PCSK2: variants seen among roughly 807,000 people sequenced by gnomAD.
PCSK2 encodes neuroendocrine convertase 2.
PCSK2 carries 14 observed loss-of-function variants against 69.7 expected under a neutral mutation model. The observed-to-expected ratio is 0.20, with a 90% CI of 0.13 to 0.31. The LOEUF is 0.31. Ranked by LOEUF, PCSK2 falls within the 10% of genes least tolerant of loss-of-function variation. The pLI is 1.00. For missense variants in PCSK2, 544 were observed against 842.5 expected (o/e 0.65, Z 4.39); for synonymous variants, 307 against 320.7 (o/e 0.96, Z 0.46).
At chr20:17,250,498 A>C (rs1986934073) in intron 1 of PCSK2, among the ~76,000 whole-genome samples, 1 of 152,204 alleles carries the variant, frequency 6.6e-6, no homozygotes, top group Admixed American at 6.5e-5. Context: ...TTTCTCCACT[A>C]TAAAGATACA....
intron 8 of PCSK2, among the ~76,000 whole-genome samples, chr20:17,449,360 C>T (rs1408174678): frequency 1.3e-5 from 2 of 152,252 alleles, no homozygotes; most frequent in Non-Finnish European, 1.5e-5. Context: ...TCCCATTTCC[C>T]TTTTGGGTTT....
At chr20:17,281,713 G>C (rs144018996) in intron 2 of PCSK2, among the ~76,000 whole-genome samples, 38 of 152,276 alleles carry the variant, frequency 2.5e-4, no homozygotes, top group Admixed American at 2.4e-3. Flanking sequence ...AATGCTGTAT[G>C]TTAGCCAAGC....
intron 4 of PCSK2, among the ~76,000 whole-genome samples, chr20:17,367,776 G>A (rs1383065247): frequency 6.6e-6 from 1 of 152,210 alleles, no homozygotes; most frequent in Admixed American, 6.5e-5. Flanking sequence ...GGGATTACAG[G>A]CGTGAGCCAC....
chr20:17,260,093 A>G (rs1987319809), intron 1 of PCSK2, 147 bp from the exon 2 acceptor site: 1 of 652,894 alleles, frequency 1.5e-6, no homozygotes, highest in Non-Finnish European at 2.7e-6. Flanking sequence ...GAAATAGAGG[A>G]CCAGGACTGA....
At position 17,465,425 on chromosome 20, in the gene PCSK2, C is replaced by T. The variant is rs141714677; in HGVS notation, c.1302C>T (p.Val434=). 2.9e-5 allele frequency: 47 copies of T among 1,614,056 alleles called. No individual in the cohort carries two copies. In the African/African-American group the frequency reaches 4.0e-4, roughly 14 times the overall value. The change falls in exon 11 of 12, where the codon GTC becomes GTT. Residue 434 remains valine, a synonymous_variant. Coordinates refer to ENST00000262545, the MANE Select transcript of PCSK2 (RefSeq NM_002594.5). ...TCCATCAGTGGCGGCGCAATGGGGTCGGCCTGGAATTTAATCACCTCTTTG... is the reference window on the plus strand; with the variant it reads ...TCCATCAGTGGCGGCGCAATGGGGTTGGCCTGGAATTTAATCACCTCTTTG... The part of the protein sequence containing the change: ...DEVHQWRRNG[V]GLEFNHLFGY...
At chr20:17,467,652 T>C (rs773964396) in intron 11 of PCSK2, among the ~76,000 whole-genome samples, 3 of 152,200 alleles carry the variant, frequency 2.0e-5, no homozygotes, top group Non-Finnish European at 4.4e-5. Context: ...ATTTTTTCCA[T>C]TGAAATTATT....
At chr20:17,372,854 A>G (rs2030812718) in intron 5 of PCSK2, among the ~76,000 whole-genome samples, 1 of 151,928 alleles carries the variant, frequency 6.6e-6, no homozygotes, top group African/African-American at 2.4e-5. Flanking sequence ...GCAACTTCGG[A>G]GCTACTAACC....
intron 2 of PCSK2, among the ~76,000 whole-genome samples, chr20:17,276,679 A>C (rs1988092206): frequency 6.6e-6 from 1 of 152,054 alleles, no homozygotes; most frequent in Non-Finnish European, 1.5e-5. Context: ...GCCCTCTCTC[A>C]CCACTCCTAT....
At chr20:17,250,574 C>T (rs1207409500) in intron 1 of PCSK2, among the ~76,000 whole-genome samples, 3 of 152,096 alleles carry the variant, frequency 2.0e-5, no homozygotes, top group Admixed American at 1.3e-4. Flanking sequence ...GTTTGCCGGC[C>T]ACAATTACTA....
intron 6 of PCSK2, among the ~76,000 whole-genome samples, chr20:17,426,172 G>T (rs1163480105): frequency 6.6e-6 from 1 of 152,128 alleles, no homozygotes; most frequent in Non-Finnish European, 1.5e-5. Flanking sequence ...ACTGAATCAT[G>T]GGGTCAGTTT....
chr20:17,411,787 G>T lies in PCSK2; in HGVS notation c.620+2448G>T, dbSNP rs565068154. Among the ~76,000 whole-genome samples the T allele has an allele frequency of 7.9e-5, 12 of 152,356 alleles. No homozygotes were observed. In the South Asian group the frequency reaches 1.7e-3, roughly 21 times the overall value. ...TAGGGGCCAACAGACAGCTCACAAA[G>T]GTGGGTGCCCCTCTAGGACAAAGCT... On this transcript the variant is annotated intron_variant, in intron 6 of 11. Coordinates refer to ENST00000262545, the MANE Select transcript of PCSK2 (RefSeq NM_002594.5).
intron 2 of PCSK2, among the ~76,000 whole-genome samples, chr20:17,303,316 C>A (rs1989154183): frequency 7.6e-6 from 1 of 130,862 alleles, no homozygotes; most frequent in African/African-American, 2.9e-5. Flanking sequence ...TATATTATAA[C>A]CATATATATC....
At position 17,453,809 on chromosome 20, in the gene PCSK2, A is replaced by G. The variant is rs1331701189; in HGVS notation, c.953A>G (p.Asn318Ser). The G allele has an allele frequency of 6.2e-7, 1 of 1,614,218 alleles. No homozygotes were observed. Among genetic ancestry groups the G allele is most frequent in the East Asian group, 2.2e-5 (1 of 44,886 alleles). ...SGDGGSYDDC[N>S]CDGYASSMWT... ...GACGGCGGCAGCTATGACGACTGCA[A>G]CTGCGACGGCTACGCCTCCAGCATG... Residue 318 changes from asparagine to serine, a missense_variant, in exon 9 of 12, where the codon AAC becomes AGC. Physicochemically the swap from Asn to Ser is conservative, Grantham distance 46. This residue lies in a region of PCSK2 where 187 missense variants were observed against 399.8 expected (regional missense o/e 0.47). Coordinates refer to ENST00000262545, the MANE Select transcript of PCSK2 (RefSeq NM_002594.5). This position sits in a 1 kb window ranked among gnomAD's most constrained non-coding sequence, Gnocchi z 4.0.
intron 8 of PCSK2, among the ~76,000 whole-genome samples, chr20:17,437,758 A>G (rs979525853): frequency 5.3e-5 from 8 of 152,200 alleles, no homozygotes; most frequent in Non-Finnish European, 7.3e-5. Flanking sequence ...TACGCTTGGG[A>G]TGCTCTGGGT....
intron 2 of PCSK2, among the ~76,000 whole-genome samples, chr20:17,341,755 A>G (rs1990515254): frequency 6.6e-6 from 1 of 152,214 alleles, no homozygotes; most frequent in Non-Finnish European, 1.5e-5. Flanking sequence ...TTCTGGCAGA[A>G]AACTGTTTTT....
chr20:17,269,508 T>C (rs1164537705), intron 2 of PCSK2, among the ~76,000 whole-genome samples: 1 of 152,174 alleles, frequency 6.6e-6, no homozygotes. Flanking sequence ...CAATGTTTCT[T>C]CACTTTTCCC....
At chr20:17,287,536 G>A (rs1308695170) in intron 2 of PCSK2, among the ~76,000 whole-genome samples, 4 of 151,704 alleles carry the variant, frequency 2.6e-5, no homozygotes, top group Admixed American at 2.6e-4. Flanking sequence ...AGGGGAGGGT[G>A]GATTCTTTCT....
chr20:17,437,985 T>TC (rs11481325), intron 8 of PCSK2, among the ~76,000 whole-genome samples: 67,902 of 149,664 alleles, frequency 0.45, 15,715 homozygotes, highest in South Asian at 0.63. Flanking sequence ...GGCCAGCAGT[T>TC]CCCCCCCACC....
chr20:17,419,889 C>T (rs2269003), intron 6 of PCSK2, among the ~76,000 whole-genome samples: 82,726 of 151,944 alleles, frequency 0.54, 22,823 homozygotes, highest in South Asian at 0.69. Context: ...GCATTGGGGA[C>T]GCAGCATACT....
Sources: gnomAD v4.1 joint callset for allele counts (sites outside exome capture counted in the v4.1 genomes callset) on GRCh38, gnomAD v4.1.1 for gene constraint, gnomAD v4.1.1 regional missense constraint, Gnocchi (gnomAD v3.1) non-coding constraint, MANE v1.5 for transcripts, NCBI Gene and HGNC (gene_info 2026-07-23, HGNC 2026-07-21) for gene names.